TTC38: variants seen among roughly 807,000 people sequenced by gnomAD.
TTC38 encodes tetratricopeptide repeat domain 38.
Under a neutral mutation model 64.2 loss-of-function variants are expected in TTC38, and 64 were observed. The observed-to-expected ratio is 1.00, with a 90% confidence interval of 0.81 to 1.23. The LOEUF is 1.23. Among genes scored for constraint, TTC38 ranks in the 50% most tolerant of loss-of-function variants. The pLI, the probability that TTC38 is intolerant of heterozygous loss-of-function variation, is 0.00. For synonymous variants in TTC38, 254 were observed against 249.3 expected (o/e 1.02, Z -0.18); for missense variants, 573 against 615.5 (o/e 0.93, Z 0.73).
chr22:46,278,936 G>C (rs934463656), intron 6 of TTC38, among the ~76,000 whole-genome samples: 1 of 152,254 alleles, frequency 6.6e-6, no homozygotes, highest in African/African-American at 2.4e-5. Context: ...CGGGGAGCCT[G>C]TGGTCAGCCT....
Position 46,287,155 on chromosome 22 carries a change from G to T in TTC38, c.916+1G>T, listed in dbSNP as rs1601883169. 6.2e-7 allele frequency: 1 copy of T among 1,600,598 alleles called. No homozygotes were observed. Among genetic ancestry groups the T allele is most frequent in the South Asian group, 1.1e-5 (1 of 89,952 alleles). ...ATGCTCTACCGCCTGCAGATGGAAG[G>T]TAGCCATCCCTGCAGCCCCACTGGC... On this transcript the variant is annotated splice_donor_variant, in intron 10 of 13. Coordinates refer to ENST00000381031, the MANE Select transcript of TTC38 (RefSeq NM_017931.4). LOFTEE classifies it high-confidence loss of function.
In TTC38 at chr22:46,272,196, G is replaced by A; in HGVS notation, c.112-139G>A. 1 of 611,380 alleles carries A rather than the reference G, an allele frequency of 1.6e-6. No homozygotes were observed. Among genetic ancestry groups the A allele is most frequent in the East Asian group, 3.0e-5 (1 of 33,306 alleles). 37.9% of individuals were successfully genotyped at this position (611,380 alleles called of 1,614,324 possible). On this transcript the variant is annotated intron_variant, in intron 2 of 13. Coordinates refer to ENST00000381031, the MANE Select transcript of TTC38 (RefSeq NM_017931.4). This position sits in a 1 kb window ranked among gnomAD's most constrained non-coding sequence, Gnocchi z 6.4. ...AGTAGAGATGGGGTTTTACCGTGTT[G>A]GTCAGGCTGGTCTCGAACTCCTGAC...
chr22:46,278,801 C>T (rs985767918), intron 6 of TTC38, 140 bp downstream of exon 6: 4 of 758,778 alleles, frequency 5.3e-6, no homozygotes, highest in Non-Finnish European at 9.2e-6. Flanking sequence ...CTGGGGAGCT[C>T]ATGTTAGTGT....
At chr22:46,280,896 G>A (rs1191458408) in intron 6 of TTC38, among the ~76,000 whole-genome samples, 1 of 152,270 alleles carries the variant, frequency 6.6e-6, no homozygotes, top group Non-Finnish European at 1.5e-5. Context: ...CATTTTCTAA[G>A]CTCTGACTGT....
intron 7 of TTC38, 44 bp from the exon 8 acceptor site, chr22:46,283,929 G>A: frequency 2.9e-6 from 4 of 1,375,954 alleles, no homozygotes; most frequent in Non-Finnish European, 4.0e-6. Flanking sequence ...TTTCCCATAG[G>A]CCTTCAGACT....
Position 46,272,385 on chromosome 22 carries a change from G to C in TTC38, c.162G>C (p.Leu54=). The change falls in exon 3 of 14, where the codon CTG becomes CTC. Residue 54 remains leucine, a synonymous_variant. Transcript: ENST00000381031. The surrounding 1 kb of genome is among the most constrained non-coding windows in gnomAD (Gnocchi z 6.4). Reference sequence around the variant, plus strand: ...GTCTCGGTGGCATCGAGGGCTGCCTGTCAAAGCTCAAAGCAGCAGATCCAA... The same window carrying C: ...GTCTCGGTGGCATCGAGGGCTGCCTCTCAAAGCTCAAAGCAGCAGATCCAA... ...DKSLGGIEGC[L]SKLKAADPTF... 6.2e-7 allele frequency: 1 copy of C among 1,610,774 alleles called. No homozygotes were observed. Among genetic ancestry groups the C allele is most frequent in the Non-Finnish European group, 8.5e-7 (1 of 1,178,608 alleles).
chr22:46,276,824 A>AATATATATATTAAATAT lies in TTC38; in HGVS notation c.539+1413_539+1414insTAAATATATATATATAT, dbSNP rs2077492659. 7.2e-6 allele frequency among the ~76,000 whole-genome samples: 1 copy of AATATATATATTAAATAT among 139,556 alleles called. No individual in the cohort carries two copies. The highest frequency in any genetic ancestry group is 2.8e-5 in the African/African-American group (1 of 36,132). 91.6% of individuals were successfully genotyped at this position (139,556 alleles called of 152,430 possible). A position where few individuals can be genotyped will look rare whatever the true frequency, so the allele number is the denominator to read the frequency against. ...ATTATATATTAAAATATATATATTA[A>AATATATATATTAAATAT]ATATATATATATATATAAACATATA... On this transcript the variant is annotated intron_variant, in intron 5 of 13. Coordinates refer to ENST00000381031, the MANE Select transcript of TTC38 (RefSeq NM_017931.4). This position sits in a 1 kb window ranked among gnomAD's most constrained non-coding sequence, Gnocchi z 4.7.
rs1415384252 is a variant in TTC38, at chr22:46,282,143, G to T, written c.735+425G>T. On this transcript the variant is annotated intron_variant, in intron 7 of 13. Transcript: ENST00000381031. This position sits in a 1 kb window ranked among gnomAD's most constrained non-coding sequence, Gnocchi z 4.4. ...GCAACCTCTGAGTTGGCTACTGAAG[G>T]ATGAGCAGGTGTGTGCCACACAGAG... The T allele has an allele frequency of 8.0e-6, 3 of 376,032 alleles. No homozygotes were observed. Among genetic ancestry groups the T allele is most frequent in the South Asian group, 2.0e-5 (1 of 50,652 alleles). The allele number at this position is 376,032 out of a possible 1,614,324, so 23.3% of individuals were successfully genotyped here.
rs1230968343 is a variant in TTC38 at position 46,276,782 on chromosome 22, TAAA to T, written c.539+1363_539+1365del. Among the ~76,000 whole-genome samples the T allele has an allele frequency of 8.5e-6, 1 of 117,814 alleles. No homozygotes were observed. Among genetic ancestry groups the T allele is most frequent in the African/African-American group, 4.4e-5 (1 of 22,580 alleles). The allele number at this position is 117,814 out of a possible 152,430, so 77.3% of individuals were successfully genotyped here. A position where few individuals can be genotyped will look rare whatever the true frequency, so the allele number is the denominator to read the frequency against. ...TTAAAAATATATATTAAATATATAT[TAAA>T]ATATATATTAAAAATTATATATTAA... On this transcript the variant is annotated intron_variant, in intron 5 of 13. Transcript: ENST00000381031. This position sits in a 1 kb window ranked among gnomAD's most constrained non-coding sequence, Gnocchi z 4.7.
rs1290230549 is a variant in TTC38, at chr22:46,274,757, A to G, written c.366-491A>G. ...CCAGTTTTTTTTTTTTTTTAAATTG[A>G]ACTAAAGAGTAAAAGTTCCCACTGG... On this transcript the variant is annotated intron_variant, in intron 4 of 13. Coordinates refer to ENST00000381031, the MANE Select transcript of TTC38 (RefSeq NM_017931.4). The surrounding 1 kb of genome is among the most constrained non-coding windows in gnomAD (Gnocchi z 4.8). Among the ~76,000 whole-genome samples the G allele has an allele frequency of 1.3e-5, 2 of 151,484 alleles. No individual in the cohort carries two copies. Among genetic ancestry groups the G allele is most frequent in the Non-Finnish European group, 2.9e-5 (2 of 67,904 alleles).
chr22:46,272,636 ATCTTT>A lies in TTC38; in HGVS notation c.193+226_193+230del, dbSNP rs764526380. Among the ~76,000 whole-genome samples, 3 of 152,172 alleles carry A rather than the reference ATCTTT, an allele frequency of 2.0e-5. No homozygotes were observed. The highest frequency in any genetic ancestry group is 2.9e-5 in the Non-Finnish European group (2 of 68,030). ...GGTTCTATCAGAAGGCATTTTTCTC[ATCTTT>A]TCTTTAATTACCATCAATTCGGGAA... On this transcript the variant is annotated intron_variant, in intron 3 of 13. Transcript: ENST00000381031. The surrounding 1 kb of genome is among the most constrained non-coding windows in gnomAD (Gnocchi z 6.4).
rs557110726 is a variant in TTC38, at chr22:46,271,305, TG to T, written c.112-1027del. Among the ~76,000 whole-genome samples, 919 of 150,896 alleles carry T rather than the reference TG, an allele frequency of 6.1e-3. 4 individuals carry two copies. The highest frequency in any genetic ancestry group is 8.6e-3 in the Non-Finnish European group (582 of 67,592). On this transcript the variant is annotated intron_variant, in intron 2 of 13. Transcript: ENST00000381031. The surrounding 1 kb of genome is among the most constrained non-coding windows in gnomAD (Gnocchi z 5.5). Reference sequence around the variant, plus strand: ...GCCCAGGCTGGAGTGCAGTGGCGCCTGGGTTCACGCCATTCTCCTGCCTCAG... The same window carrying T: ...GCCCAGGCTGGAGTGCAGTGGCGCCTGGTTCACGCCATTCTCCTGCCTCAG...
In TTC38 at chr22:46,281,508, C is replaced by T; in HGVS notation, c.616-91C>T. ...TTGCTCCACCCCGTTCAGCCCAGGCCCCTCTTGCCCCTTAGAGACCTGCCG... is the reference window on the plus strand; with the variant it reads ...TTGCTCCACCCCGTTCAGCCCAGGCTCCTCTTGCCCCTTAGAGACCTGCCG... On this transcript the variant is annotated intron_variant, in intron 6 of 13. Coordinates refer to ENST00000381031, the MANE Select transcript of TTC38 (RefSeq NM_017931.4). This position sits in a 1 kb window ranked among gnomAD's most constrained non-coding sequence, Gnocchi z 5.2. The T allele has an allele frequency of 6.6e-7, 1 of 1,514,680 alleles. No individual in the cohort carries two copies. Among genetic ancestry groups the T allele is most frequent in the East Asian group, 2.3e-5 (1 of 43,734 alleles). The allele number at this position is 1,514,680 out of a possible 1,614,324, so 93.8% of individuals were successfully genotyped here. A position where few individuals can be genotyped will look rare whatever the true frequency, so the allele number is the denominator to read the frequency against.
At chr22:46,269,109 A>G (rs9615330) in intron 2 of TTC38, 73,952 of 434,202 alleles carry the variant, frequency 0.17, 11,442 homozygotes, top group African/African-American at 0.59. Context: ...ACAGCGTCCT[A>G]AAAGGGCCTC....
chr22:46,277,469 G>T (rs946187116), intron 5 of TTC38, among the ~76,000 whole-genome samples: 2 of 152,154 alleles, frequency 1.3e-5, no homozygotes, highest in Non-Finnish European at 2.9e-5. Flanking sequence ...GCTGGGCGAG[G>T]TGGCATGTGC....
At chr22:46,285,159 T>C in intron 8 of TTC38, 82 bp from the exon 9 acceptor site, 3 of 1,287,078 alleles carry the variant, frequency 2.3e-6, no homozygotes, top group Non-Finnish European at 3.4e-6. Flanking sequence ...CAGGGGTCTT[T>C]GGCCTGGCCG....
At chr22:46,287,027 C>T in intron 9 of TTC38, 46 bp from the exon 10 acceptor site, 1 of 1,498,884 alleles carries the variant, frequency 6.7e-7, no homozygotes, top group Non-Finnish European at 9.1e-7. Context: ...GCAGCCCCAT[C>T]ATCTGGGCCA....
intron 8 of TTC38, among the ~76,000 whole-genome samples, chr22:46,284,442 A>G (rs993389900): frequency 1.3e-5 from 2 of 152,222 alleles, no homozygotes; most frequent in Non-Finnish European, 2.9e-5. Flanking sequence ...TCGTGCACAA[A>G]AGCTAGAAGC....
chr22:46,271,881 A>G lies in TTC38; in HGVS notation c.112-454A>G, dbSNP rs1482955998. Among the ~76,000 whole-genome samples, 2 of 152,132 alleles carry G rather than the reference A, an allele frequency of 1.3e-5. No homozygotes were observed. The highest frequency in any genetic ancestry group is 2.9e-5 in the Non-Finnish European group (2 of 68,038). The stretch of plus-strand genomic sequence containing the variant: ...AGCCCTAGAAAGTGTGCCTTGGGTG[A>G]TGTGTATTTCATTTCTTCGTATGAA... On this transcript the variant is annotated intron_variant, in intron 2 of 13. Transcript: ENST00000381031. This position sits in a 1 kb window ranked among gnomAD's most constrained non-coding sequence, Gnocchi z 5.5.
Sources: allele counts gnomAD v4.1 joint callset (sites outside exome capture counted in the v4.1 genomes callset), GRCh38; gene constraint gnomAD v4.1.1; non-coding constraint Gnocchi (gnomAD v3.1); transcripts MANE v1.5; gene names NCBI Gene and HGNC (gene_info 2026-07-23, HGNC 2026-07-21).